The following UCK1 variants were observed in gnomAD, a reference collection of about 807,000 sequenced individuals.
UCK1 encodes the protein uridine-cytidine kinase 1.
In UCK1, 20 loss-of-function variants were observed where a neutral mutation model predicts 34.0. That is an observed-to-expected ratio of 0.59 (90% CI 0.41 to 0.86). The LOEUF is 0.86. Ranked by LOEUF, UCK1 falls within the 40% of genes least tolerant of loss-of-function variation. UCK1 has a pLI of 0.00. For missense variants in UCK1, 343 were observed against 383.6 expected, an observed-to-expected ratio of 0.89 and a Z score of 0.88; for synonymous variants, 168 against 155.9, an observed-to-expected ratio of 1.08 and a Z score of -0.58.
At position 131,524,977 on chromosome 9, in the gene UCK1, C is replaced by T; in HGVS notation, c.*63G>A. The T allele has an allele frequency of 6.4e-7, 1 of 1,559,582 alleles. No individual in the cohort carries two copies. Among genetic ancestry groups the T allele is most frequent in the Non-Finnish European group, 8.7e-7 (1 of 1,150,368 alleles). On this transcript the variant is annotated 3_prime_UTR_variant, in exon 7 of 7. Coordinates refer to ENST00000372215, the MANE Select transcript of UCK1 (RefSeq NM_031432.5). ...GAAGCAGTGGGTGTGGGTGGGCGTC[C>T]CCAGGCTCAGTCCCTGAACACACAT...
intron 6 of UCK1, 32 bp downstream of exon 6, chr9:131,525,896 GC>G (rs1950586590): frequency 6.2e-7 from 1 of 1,610,798 alleles, no homozygotes; most frequent in Non-Finnish European, 8.5e-7. Context: ...TCTGGGAGGG[GC>G]GGGGGGACAG....
chr9:131,529,969 G>GCTGA (rs202218726), intron 2 of UCK1, among the ~76,000 whole-genome samples: 3,006 of 152,312 alleles, frequency 0.02, 104 homozygotes, highest in African/African-American at 0.069. Flanking sequence ...TTGGGAAAAG[G>GCTGA]CTGACCATGC....
Position 131,525,083 on chromosome 9 carries a change from G to C in UCK1, c.791C>G (p.Ser264Cys). The change falls in exon 7 of 7, where the codon TCT (serine) becomes TGT (cysteine). Residue 264 changes from serine (S) to cysteine (C), a missense_variant. By Grantham distance (112) the Ser-to-Cys change is moderately radical. Coordinates refer to ENST00000372215, the MANE Select transcript of UCK1 (RefSeq NM_031432.5). ...EPGDHPGMLT[S>C]GKRSHLESSS... The stretch of plus-strand genomic sequence containing the variant: ...GGACTCCAAATGTGACCGTTTGCCA[G>C]AGGTCAGCATCCCAGGGTGGTCCCC... 6.2e-7 allele frequency: 1 copy of C among 1,613,570 alleles called. No homozygotes were observed. Among genetic ancestry groups the C allele is most frequent in the Non-Finnish European group, 8.5e-7 (1 of 1,179,912 alleles).
At position 131,524,532 on chromosome 9, in the gene UCK1, T is replaced by C. The variant is rs73557711; in HGVS notation, c.*508A>G. 0.016 allele frequency: 2,350 copies of C among 150,750 alleles called. 53 individuals are homozygous for C. Among genetic ancestry groups the C allele is most frequent in the African/African-American group, 0.053 (2,207 of 41,356 alleles). The allele number at this position is 150,750 out of a possible 1,614,324, so 9.3% of individuals were successfully genotyped here. ...GTAGGCCACAACCAGCCTTGTGTTA[T>C]GAAACAGAAAACAGAAAACATGAGG... On this transcript the variant is annotated 3_prime_UTR_variant, in exon 7 of 7. Transcript: ENST00000372215.
At position 131,531,149 on chromosome 9, in the gene UCK1, C is replaced by T; in HGVS notation, c.26G>A (p.Cys9Tyr). 7.0e-7 allele frequency: 1 copy of T among 1,437,270 alleles called. No homozygotes were observed. The highest frequency in any genetic ancestry group is 9.1e-7 in the Non-Finnish European group (1 of 1,096,742). 89.0% of individuals were successfully genotyped at this position (1,437,270 alleles called of 1,614,324 possible). ...GTCGGCCTCCGGCGCGGGGCTCTCG[C>T]AGTCTTCGCCTCCCGCCGAAGCCAT... is the stretch of plus-strand genomic sequence containing the variant. MASAGGED[C>Y]ESPAPEADRP... The change falls in exon 1 of 7, where the codon TGC (cysteine) becomes TAC (tyrosine). Residue 9 changes from cysteine to tyrosine, a missense_variant. Transcript: ENST00000372215.
chr9:131,529,473 G>A lies in UCK1; in HGVS notation c.365+15C>T, dbSNP rs368445210. On this transcript the variant is annotated intron_variant, in intron 3 of 6. Transcript: ENST00000372215. ...TGGCCCCTCTCCTCGGCCCTCCCTA[G>A]AACCACCTGCTTACCTTGAGTGTGT... The A allele has an allele frequency of 8.5e-5, 137 of 1,614,054 alleles. No individual in the cohort carries two copies. The Middle Eastern group carries it at 1.5e-3, about 17-fold the overall frequency.
At position 131,524,203 on chromosome 9, in the gene UCK1, T is replaced by TGTCTA. The variant is rs1203445982; in HGVS notation, c.*832_*836dup. 6.6e-6 allele frequency: 1 copy of TGTCTA among 152,378 alleles called. No homozygotes were observed. The highest frequency in any genetic ancestry group is 1.5e-5 in the Non-Finnish European group (1 of 68,142). 9.4% of individuals were successfully genotyped at this position (152,378 alleles called of 1,614,324 possible). A position where few individuals can be genotyped will look rare whatever the true frequency, so the allele number is the denominator to read the frequency against. ...CTAGCCACCCTGGGGTGGGACAGCC[T>TGTCTA]GTCTAGACAGACAGCACCTTGGGGG... On this transcript the variant is annotated 3_prime_UTR_variant, in exon 7 of 7. Transcript: ENST00000372215.
Position 131,525,225 on chromosome 9 carries a change from C to T in UCK1, c.653-4G>A, listed in dbSNP as rs144119040. 5,491 of 1,613,528 alleles carry T rather than the reference C, an allele frequency of 3.4e-3. 28 individuals carry two copies. Among genetic ancestry groups the T allele is most frequent in the South Asian group, 0.014 (1,308 of 91,060 alleles). ...TGCACGATCAGGTTGATGGCAACTGCGCCAAGAGACAGACAAGCAGCGGGT... is the reference window on the plus strand; with the variant it reads ...TGCACGATCAGGTTGATGGCAACTGTGCCAAGAGACAGACAAGCAGCGGGT... On this transcript the variant is annotated splice_polypyrimidine_tract_variant and splice_region_variant and intron_variant, in intron 6 of 6. Transcript: ENST00000372215.
intron 6 of UCK1, among the ~76,000 whole-genome samples, chr9:131,525,543 A>G (rs1950567139): frequency 6.6e-6 from 1 of 152,188 alleles, no homozygotes; most frequent in South Asian, 2.1e-4. Flanking sequence ...CAGTGGCCCA[A>G]TCACAGCTCA....
Position 131,529,584 on chromosome 9 carries a change from T to A in UCK1, c.269A>T (p.Asp90Val). 6.2e-7 allele frequency: 1 copy of A among 1,614,038 alleles called. No homozygotes were observed. The change falls in exon 3 of 7, where the codon GAT (aspartate) becomes GTT (valine). Residue 90 changes from aspartate to valine, a missense_variant and splice_region_variant. Coordinates refer to ENST00000372215, the MANE Select transcript of UCK1 (RefSeq NM_031432.5). ...GTGCATCAAATCATTATCAAAGGCA[T>A]CTGCAGGGTTGGAGACAAAGGCAAG... ...LKGQYNFDHP[D>V]AFDNDLMHRT...
Position 131,525,205 on chromosome 9 carries a change from G to A in UCK1, c.669C>T (p.Ile223=), listed in dbSNP as rs754229039. The change falls in exon 7 of 7, where the codon ATC becomes ATT. Residue 223 remains isoleucine, a synonymous_variant. Coordinates refer to ENST00000372215, the MANE Select transcript of UCK1 (RefSeq NM_031432.5). Reference sequence around the variant, plus strand: ...TCAGAATGTCCTGGATGTGCTGCACGATCAGGTTGATGGCAACTGCGCCAA... The same window carrying A: ...TCAGAATGTCCTGGATGTGCTGCACAATCAGGTTGATGGCAACTGCGCCAA... ...GVDNMVAINL[I]VQHIQDILNG... The A allele has an allele frequency of 7.4e-6, 12 of 1,613,812 alleles. No individual in the cohort carries two copies. Among genetic ancestry groups the A allele is most frequent in the Admixed American group, 3.3e-5 (2 of 59,992 alleles).
chr9:131,525,134 C>A lies in UCK1; in HGVS notation c.740G>T (p.Ser247Ile), dbSNP rs150739415. 4.2e-4 allele frequency: 673 copies of A among 1,614,114 alleles called. No homozygotes were observed. Among genetic ancestry groups the A allele is most frequent in the Non-Finnish European group, 5.3e-4 (624 of 1,180,042 alleles). Residue 247 changes from serine to isoleucine, a missense_variant, in exon 7 of 7, where the codon AGC (serine) becomes ATC (isoleucine). Coordinates refer to ENST00000372215, the MANE Select transcript of UCK1 (RefSeq NM_031432.5). Reference sequence around the variant, plus strand: ...TGGCTCAGAAAAGGTCCGCTTGTAGCTCCGCCCATTGGACCCTCCTCGGTG... The same window carrying A: ...TGGCTCAGAAAAGGTCCGCTTGTAGATCCGCCCATTGGACCCTCCTCGGTG... ...KWHRGGSNGRSYKRTFSEPGD... is the reference protein window; with the variant it reads ...KWHRGGSNGRIYKRTFSEPGD...
chr9:131,526,373 A>G, intron 5 of UCK1: 1 of 1,241,482 alleles, frequency 8.1e-7, no homozygotes, highest in East Asian at 5.2e-5. Context: ...TTCTGCAAAT[A>G]CCCTGGCACA....
At chr9:131,526,590 G>T in intron 5 of UCK1, 2 of 1,167,692 alleles carry the variant, frequency 1.7e-6, no homozygotes, top group Non-Finnish European at 2.3e-6. Flanking sequence ...GGGTTGGGGG[G>T]TGGCTTTAGG....
rs143439129 is a variant in UCK1, at chr9:131,528,968, C to T, written c.579G>A (p.Pro193=). The part of the protein sequence containing the change: ...ILTQYTTFVK[P]AFEEFCLPTK... ...CCGGCAGGCAGAACTCCTCGAAGGC[C>T]GGCTTCACGAAGGTGGTGTACTGCG... The change falls in exon 5 of 7, where the codon CCG becomes CCA. Residue 193 remains proline (P), a synonymous_variant. Coordinates refer to ENST00000372215, the MANE Select transcript of UCK1 (RefSeq NM_031432.5). 1.9e-5 allele frequency: 30 copies of T among 1,613,982 alleles called. No homozygotes were observed. Among genetic ancestry groups the T allele is most frequent in the Admixed American group, 3.3e-5 (2 of 59,996 alleles).
chr9:131,523,810 G>C lies in UCK1; in HGVS notation c.*1230C>G, dbSNP rs921077896. 5 of 153,116 alleles carry C rather than the reference G, an allele frequency of 3.3e-5. No individual in the cohort carries two copies. Among genetic ancestry groups the C allele is most frequent in the African/African-American group, 1.2e-4 (5 of 41,450 alleles). The allele number at this position is 153,116 out of a possible 1,614,324, so 9.5% of individuals were successfully genotyped here. ...AAGGAACCAACTGGCGTTTGTAGTT[G>C]GTGTTTGTTATTTATTGATTCTCCC... On this transcript the variant is annotated 3_prime_UTR_variant, in exon 7 of 7. Transcript: ENST00000372215.
Position 131,531,170 on chromosome 9 carries a change from G to A in UCK1, c.5C>T (p.Ala2Val). ...CTCGCAGTCTTCGCCTCCCGCCGAA[G>A]CCATCTCGGCCTCCGCTCCCGCGCA... MASAGGEDCESP... is the reference protein window; with the variant it reads MVSAGGEDCESP... The change falls in exon 1 of 7, where the codon GCT (alanine) becomes GTT (valine). Residue 2 changes from alanine to valine, a missense_variant. Coordinates refer to ENST00000372215, the MANE Select transcript of UCK1 (RefSeq NM_031432.5). The A allele has an allele frequency of 1.4e-6, 2 of 1,413,856 alleles. No homozygotes were observed. Among genetic ancestry groups the A allele is most frequent in the Non-Finnish European group, 1.8e-6 (2 of 1,085,668 alleles). 87.6% of individuals were successfully genotyped at this position (1,413,856 alleles called of 1,614,324 possible). A position where few individuals can be genotyped will look rare whatever the true frequency, so the allele number is the denominator to read the frequency against.
In UCK1 at chr9:131,530,362, G is replaced by A. The variant is rs1450262839; in HGVS notation, c.268+124C>T. ...TGCAGCCAACTCCACTGCAGGCTGC[G>A]TGGCGAGTTGGGGGAACAGCCCAAG... On this transcript the variant is annotated intron_variant, in intron 2 of 6. Coordinates refer to ENST00000372215, the MANE Select transcript of UCK1 (RefSeq NM_031432.5). 3.5e-6 allele frequency: 4 copies of A among 1,156,574 alleles called. No homozygotes were observed. The East Asian group carries it at 7.1e-5, about 21-fold the overall frequency. The allele number at this position is 1,156,574 out of a possible 1,614,324, so 71.6% of individuals were successfully genotyped here.
chr9:131,528,843 A>C (rs747414924), intron 5 of UCK1, 101 bp downstream of exon 5: 19 of 1,413,858 alleles, frequency 1.3e-5, no homozygotes, highest in Middle Eastern at 1.8e-4. Context: ...CTTTTTTTCA[A>C]TCAGATCACT....
Sources: gnomAD v4.1 joint callset for allele counts (sites outside exome capture counted in the v4.1 genomes callset) on GRCh38, gnomAD v4.1.1 for gene constraint, MANE v1.5 for transcripts, NCBI Gene and HGNC (gene_info 2026-07-23, HGNC 2026-07-21) for gene names.